NPHP4: variants seen among roughly 807,000 people sequenced by gnomAD.
The protein encoded by NPHP4 is nephrocystin 4, also known as nephrocystin-4.
Under a neutral mutation model 155.8 loss-of-function variants are expected in NPHP4, and 151 were observed. The ratio of observed to expected loss-of-function variants is 0.97; its 90% CI spans 0.85 to 1.11. The LOEUF is 1.11. Among genes scored for constraint, NPHP4 ranks in the 50% least tolerant of loss-of-function variants. The pLI, the probability that NPHP4 is intolerant of heterozygous loss-of-function variation, is 0.00. For synonymous variants in NPHP4, 845 were observed against 816.8 expected (o/e 1.03, Z -0.59); for missense variants, 1,956 against 1,925.7 (o/e 1.02, Z -0.29).
At chr1:5,976,607 G>A (rs537025768) in intron 3 of NPHP4, among the ~76,000 whole-genome samples, 2 of 152,308 alleles carry the variant, frequency 1.3e-5, no homozygotes, top group East Asian at 1.9e-4. Context: ...TTCCTGACAC[G>A]GCTGGCCAGA....
At chr1:5,946,611 C>T (rs889891673) in intron 9 of NPHP4, among the ~76,000 whole-genome samples, 1 of 152,182 alleles carries the variant, frequency 6.6e-6, no homozygotes, top group Non-Finnish European at 1.5e-5. Flanking sequence ...TCCTGAAACC[C>T]CCGGAATCTC....
At chr1:5,865,307 C>T (rs754324217) in intron 26 of NPHP4, 34 bp from the exon 27 acceptor site, 23 of 1,494,122 alleles carry the variant, frequency 1.5e-5, no homozygotes, top group African/African-American at 2.8e-5. Flanking sequence ...GCACTTGTCC[C>T]GGAGGACTCA....
intron 22 of NPHP4, among the ~76,000 whole-genome samples, chr1:5,874,255 G>A (rs1642314265): frequency 6.6e-6 from 1 of 151,982 alleles, no homozygotes; most frequent in African/African-American, 2.4e-5. Flanking sequence ...AGATGGTCCA[G>A]CTCGACACCC....
At chr1:5,955,416 C>CA (rs1389409637) in intron 6 of NPHP4, among the ~76,000 whole-genome samples, 1 of 152,226 alleles carries the variant, frequency 6.6e-6, no homozygotes, top group African/African-American at 2.4e-5. Flanking sequence ...ATCAGTATGT[C>CA]AAAGAGATAT....
intron 1 of NPHP4, among the ~76,000 whole-genome samples, chr1:5,989,030 C>T (rs1292699132): frequency 6.6e-6 from 1 of 152,130 alleles, no homozygotes; most frequent in African/African-American, 2.4e-5. Flanking sequence ...AGGACCCTGA[C>T]CCAATTCCAT....
chr1:5,896,422 A>C (rs1479358274), intron 16 of NPHP4, among the ~76,000 whole-genome samples: 1 of 152,246 alleles, frequency 6.6e-6, no homozygotes, highest in Non-Finnish European at 1.5e-5. Flanking sequence ...GACAGAGGCC[A>C]AAAGGAGCTG....
At chr1:5,866,136 T>C in intron 26 of NPHP4, 1 of 560,124 alleles carries the variant, frequency 1.8e-6, no homozygotes, top group East Asian at 3.1e-5. Context: ...TGTCTCTCCT[T>C]GGTGGCAGGA....
At chr1:5,967,568 G>A (rs943397532) in intron 4 of NPHP4, among the ~76,000 whole-genome samples, 6 of 152,196 alleles carry the variant, frequency 3.9e-5, no homozygotes, top group Admixed American at 1.3e-4. Context: ...TGGCACACAC[G>A]CAGCCCCAAC....
rs1287543 is a variant in NPHP4, at chr1:5,977,486, C to T, written c.279+784G>A. On this transcript the variant is annotated intron_variant, in intron 3 of 29. Coordinates refer to ENST00000378156, the MANE Select transcript of NPHP4 (RefSeq NM_015102.5). ...CCTATTGGTCTCCACGTTCTCCTAT[C>T]GGTCTCCTCCTGAGAATTTAACACA... 8.9e-3 allele frequency among the ~76,000 whole-genome samples: 1,353 copies of T among 152,206 alleles called. 11 individuals carry two copies. The highest frequency in any genetic ancestry group is 0.027 in the Middle Eastern group (8 of 294).
chr1:5,953,326 G>A (rs997000063), intron 6 of NPHP4, among the ~76,000 whole-genome samples: 4 of 152,076 alleles, frequency 2.6e-5, no homozygotes, highest in South Asian at 2.1e-4. Context: ...GGCTGGTCTC[G>A]AACTCCTAAC....
intron 11 of NPHP4, among the ~76,000 whole-genome samples, chr1:5,920,392 T>A (rs1489643579): frequency 6.6e-6 from 1 of 152,164 alleles, no homozygotes; most frequent in African/African-American, 2.4e-5. Context: ...TCAAAGACTC[T>A]GGGGTCCAGA....
At chr1:5,883,182 C>A (rs1178373005) in intron 18 of NPHP4, among the ~76,000 whole-genome samples, 2 of 152,156 alleles carry the variant, frequency 1.3e-5, no homozygotes, top group East Asian at 3.9e-4. Flanking sequence ...CAGGCTGGGG[C>A]GAGGAAGGGA....
intron 7 of NPHP4, among the ~76,000 whole-genome samples, chr1:5,950,167 T>A (rs771875048): frequency 8.5e-5 from 13 of 152,176 alleles, no homozygotes; most frequent in Non-Finnish European, 1.3e-4. Flanking sequence ...AAGACCTCTT[T>A]GACTACTGAG....
At chr1:5,971,131 G>C (rs1391033939) in intron 3 of NPHP4, among the ~76,000 whole-genome samples, 3 of 152,202 alleles carry the variant, frequency 2.0e-5, no homozygotes, top group African/African-American at 7.2e-5. Context: ...CCAGCCTAGA[G>C]GTCACCCTGA....
chr1:5,930,480 T>C (rs1049477739), intron 10 of NPHP4, among the ~76,000 whole-genome samples: 1 of 152,250 alleles, frequency 6.6e-6, no homozygotes, highest in African/African-American at 2.4e-5. Context: ...ATGTTGTATT[T>C]CCATATCTGT....
chr1:5,894,382 G>T (rs1644290161), intron 16 of NPHP4, among the ~76,000 whole-genome samples: 2 of 151,764 alleles, frequency 1.3e-5, no homozygotes, highest in African/African-American at 4.8e-5. Flanking sequence ...CCCAGGAGGT[G>T]CAGGTTGAAG....
At chr1:5,884,376 G>A (rs535675955) in intron 18 of NPHP4, among the ~76,000 whole-genome samples, 20 of 152,242 alleles carry the variant, frequency 1.3e-4, no homozygotes, top group Admixed American at 2.6e-4. Flanking sequence ...CTGTCCTGAC[G>A]CCTGCCTCCC....
At chr1:5,888,394 G>A (rs1049725457) in intron 17 of NPHP4, 119 of 1,088,626 alleles carry the variant, frequency 1.1e-4, no homozygotes, top group Admixed American at 2.6e-4. Flanking sequence ...ATGAGGTTCC[G>A]GATTTTGTAA....
At chr1:5,898,946 G>A (rs1644533745) in intron 16 of NPHP4, among the ~76,000 whole-genome samples, 1 of 152,114 alleles carries the variant, frequency 6.6e-6, no homozygotes, top group Non-Finnish European at 1.5e-5. Flanking sequence ...CCTGTGAAAG[G>A]CACTCGGTAT....
Sources: gnomAD v4.1 joint callset for allele counts (sites outside exome capture counted in the v4.1 genomes callset) on GRCh38, gnomAD v4.1.1 for gene constraint, MANE v1.5 for transcripts, NCBI Gene and HGNC (gene_info 2026-07-23, HGNC 2026-07-21) for gene names.